The following DUSP22 variants were observed in gnomAD, a reference collection of about 807,000 sequenced individuals.
DUSP22 encodes dual specificity protein phosphatase 22.
In DUSP22, 24 loss-of-function variants were observed where a neutral mutation model predicts 24.5. The observed-to-expected ratio is 0.98, with a 90% CI of 0.71 to 1.38. DUSP22 has a LOEUF of 1.38. Among genes scored for constraint, DUSP22 ranks in the 40% most tolerant of loss-of-function variants. The probability of loss-of-function intolerance (pLI) is 0.00; values close to 1 mark genes in which losing one functional copy is unlikely to be tolerated. For missense variants in DUSP22, 330 were observed against 269.2 expected, an observed-to-expected ratio of 1.23 and a Z score of -1.58; for synonymous variants, 160 against 106.4, an observed-to-expected ratio of 1.50 and a Z score of -3.10.
intron 2 of DUSP22, among the ~76,000 whole-genome samples, chr6:307,779 C>T (rs1301764302): frequency 1.3e-5 from 2 of 152,308 alleles, no homozygotes; most frequent in Admixed American, 6.5e-5. Context: ...GAGTGGTGTG[C>T]ATTGAGACCA....
intron 3 of DUSP22, among the ~76,000 whole-genome samples, chr6:328,389 T>C (rs1265520265): frequency 1.3e-5 from 2 of 152,302 alleles, no homozygotes; most frequent in African/African-American, 4.8e-5. Context: ...CCGTGCCCAC[T>C]TTAGCCTTGC....
intron 3 of DUSP22, among the ~76,000 whole-genome samples, chr6:317,090 CTT>C (rs1367066646): frequency 6.6e-6 from 1 of 152,300 alleles, no homozygotes; most frequent in Admixed American, 6.5e-5. Flanking sequence ...GATGCCAAGA[CTT>C]TACTTGTGTT....
Position 348,216 on chromosome 6 carries a change from A to AC in DUSP22, c.381dup (p.Asn128GlnfsTer12). 6.2e-7 allele frequency: 1 copy of AC among 1,614,280 alleles called. No individual in the cohort carries two copies. Among genetic ancestry groups the AC allele is most frequent in the Non-Finnish European group, 8.5e-7 (1 of 1,180,050 alleles). On this transcript the variant is annotated frameshift_variant, in exon 6 of 7. Transcript: ENST00000419235. LOFTEE classifies it high-confidence loss of function. ...GTGCGTGCTGGGAGATCCTGTGCCA[A>AC]CCCCAACGTGGGCTTCCAGAGACAG...
At chr6:297,075 C>A (rs1757368389) in intron 1 of DUSP22, among the ~76,000 whole-genome samples, 1 of 152,302 alleles carries the variant, frequency 6.6e-6, no homozygotes, top group African/African-American at 2.4e-5. Context: ...GGCTGGCTAA[C>A]AAAAAGCCTG....
intron 3 of DUSP22, among the ~76,000 whole-genome samples, chr6:313,027 TAAC>T (rs1200122662): frequency 8.6e-5 from 12 of 140,276 alleles, no homozygotes; most frequent in African/African-American, 3.2e-4. Context: ...TTATTGGAAA[TAAC>T]AACAACAACA....
At chr6:336,601 G>T (rs1435424051) in intron 4 of DUSP22, among the ~76,000 whole-genome samples, 1 of 152,312 alleles carries the variant, frequency 6.6e-6, no homozygotes, top group Non-Finnish European at 1.5e-5. Context: ...GGAAAAGTGA[G>T]GTGGTAGATC....
chr6:333,543 G>A (rs1185313863), intron 3 of DUSP22, among the ~76,000 whole-genome samples: 1 of 152,306 alleles, frequency 6.6e-6, no homozygotes, highest in Admixed American at 6.5e-5. Context: ...CTCTCACTTA[G>A]GTGTTAGTTG....
chr6:303,432 T>C (rs901485826), intron 1 of DUSP22, among the ~76,000 whole-genome samples: 108 of 152,398 alleles, frequency 7.1e-4, no homozygotes, highest in Non-Finnish European at 1.2e-3. Flanking sequence ...ATAGATCCCC[T>C]GCAATCACTA....
intron 1 of DUSP22, among the ~76,000 whole-genome samples, chr6:303,833 C>T (rs1157138452): frequency 6.6e-6 from 1 of 152,302 alleles, no homozygotes; most frequent in East Asian, 1.9e-4. Flanking sequence ...CCTGCTAAAT[C>T]ATTCCATGCG....
chr6:309,126 T>A (rs1345755310), intron 2 of DUSP22, among the ~76,000 whole-genome samples: 9 of 152,300 alleles, frequency 5.9e-5, no homozygotes, highest in Admixed American at 5.9e-4. Context: ...AAGCTAGCCT[T>A]GCTGGTACCC....
intron 3 of DUSP22, 126 bp from the exon 4 acceptor site, chr6:334,988 G>A (rs1759298627): frequency 8.8e-7 from 1 of 1,132,474 alleles, no homozygotes; most frequent in Non-Finnish European, 1.2e-6. Context: ...GGCAACAAAA[G>A]ATGAGTGAAA....
intron 2 of DUSP22, among the ~76,000 whole-genome samples, chr6:310,265 C>T (rs977200781): frequency 5.3e-5 from 8 of 152,304 alleles, no homozygotes; most frequent in Non-Finnish European, 8.8e-5. Flanking sequence ...CCGGCCTAAA[C>T]ATTTGCCTTC....
At chr6:335,313 C>G in intron 4 of DUSP22, 150 bp downstream of exon 4, 1 of 995,428 alleles carries the variant, frequency 1.0e-6, no homozygotes, top group Non-Finnish European at 1.5e-6. Flanking sequence ...CTACAGAGGC[C>G]AACGCTAGGC....
intron 5 of DUSP22, among the ~76,000 whole-genome samples, chr6:346,429 G>GACACACACAC (rs10642379): frequency 0.016 from 2,488 of 151,030 alleles, 2 homozygotes; most frequent in Middle Eastern, 0.031. Context: ...ATTTTGTGTA[G>GACACACACAC]ACACACACAC....
chr6:332,087 T>C (rs1380851787), intron 3 of DUSP22, among the ~76,000 whole-genome samples: 3 of 152,308 alleles, frequency 2.0e-5, no homozygotes, highest in Non-Finnish European at 1.5e-5. Flanking sequence ...TTTGTGTTCA[T>C]TGTTCTCATC....
At chr6:327,054 A>G (rs1758914018) in intron 3 of DUSP22, among the ~76,000 whole-genome samples, 1 of 152,300 alleles carries the variant, frequency 6.6e-6, no homozygotes, top group East Asian at 1.9e-4. Flanking sequence ...GTGAGGGGCC[A>G]CAGACAATAC....
At chr6:342,590 G>A (rs1369417065) in intron 4 of DUSP22, among the ~76,000 whole-genome samples, 2 of 152,310 alleles carry the variant, frequency 1.3e-5, no homozygotes, top group African/African-American at 4.8e-5. Flanking sequence ...TTTTGAACTA[G>A]TTGCTGATAT....
intron 1 of DUSP22, among the ~76,000 whole-genome samples, chr6:303,260 G>A (rs1323351926): frequency 6.6e-6 from 1 of 152,308 alleles, no homozygotes; most frequent in Non-Finnish European, 1.5e-5. Context: ...AGATAGGAAT[G>A]ATAAAGTATA....
chr6:347,599 T>A (rs1581195825), intron 5 of DUSP22, among the ~76,000 whole-genome samples: 1 of 152,294 alleles, frequency 6.6e-6, no homozygotes, highest in African/African-American at 2.4e-5. Flanking sequence ...TCAGGAAGAG[T>A]ACAAAAGTAA....
Sources: allele counts gnomAD v4.1 joint callset (sites outside exome capture counted in the v4.1 genomes callset), GRCh38; gene constraint gnomAD v4.1.1; transcripts MANE v1.5; gene names NCBI Gene and HGNC (gene_info 2026-07-23, HGNC 2026-07-21).